Variants in GALK2 observed in about 807,000 individuals in gnomAD.
The protein encoded by GALK2 is galactokinase 2.
A neutral mutation model predicts 52.4 loss-of-function variants in GALK2; 36 were observed. That is an observed-to-expected ratio of 0.69 (90% CI 0.53 to 0.91). The LOEUF is 0.91. Among genes scored for constraint, GALK2 ranks in the 40% least tolerant of loss-of-function variants. GALK2 has a pLI of 0.00. For missense variants in GALK2, 579 were observed against 559.1 expected (o/e 1.04, Z -0.36); for synonymous variants, 176 against 199.1 (o/e 0.88, Z 0.98).
At chr15:49,282,199 G>A (rs2141761809) in intron 6 of GALK2, 114 bp downstream of exon 6, 2 of 651,136 alleles carry the variant, frequency 3.1e-6, no homozygotes, top group East Asian at 5.5e-5. Context: ...TACTATATTA[G>A]GCTCTATTGT....
intron 1 of GALK2, among the ~76,000 whole-genome samples, chr15:49,158,461 C>A (rs900956989): frequency 3.9e-5 from 6 of 152,036 alleles, no homozygotes; most frequent in Non-Finnish European, 8.8e-5. Flanking sequence ...TTTAAAACTC[C>A]TGTAAATCAG....
In GALK2 at chr15:49,330,561, G is replaced by C. The variant is rs1039306370; in HGVS notation, c.*2402G>C. ...TAGCTGCCTTGTTAGATGAGGCATG[G>C]CTATCCAGTGCGCTACAGTTTCCAC... On this transcript the variant is annotated 3_prime_UTR_variant, in exon 10 of 10. Transcript: ENST00000560031. 1 of 152,146 alleles carries C rather than the reference G, an allele frequency of 6.6e-6. No individual in the cohort carries two copies. The highest frequency in any genetic ancestry group is 1.5e-5 in the Non-Finnish European group (1 of 68,024). 9.4% of individuals were successfully genotyped at this position (152,146 alleles called of 1,614,324 possible).
At position 49,292,508 on chromosome 15, in the gene GALK2, C is replaced by T. The variant is rs750548811; in HGVS notation, c.938C>T (p.Thr313Ile). Residue 313 changes from threonine to isoleucine, a missense_variant, in exon 8 of 10, where the codon ACC (threonine) becomes ATC (isoleucine). Transcript: ENST00000560031. ...CLGISLEELR[T>I]QILSPNTQDV... Reference sequence around the variant, plus strand: ...GGAATTAGCCTGGAGGAACTCCGAACCCAAATCCTGAGTCCAAACACTCAA... The same window carrying T: ...GGAATTAGCCTGGAGGAACTCCGAATCCAAATCCTGAGTCCAAACACTCAA... 2 of 1,613,848 alleles carry T rather than the reference C, an allele frequency of 1.2e-6. No homozygotes were observed. The highest frequency in any genetic ancestry group is 1.3e-5 in the African/African-American group (1 of 74,902).
At chr15:49,302,966 A>G (rs1297739129) in intron 8 of GALK2, among the ~76,000 whole-genome samples, 1 of 152,226 alleles carries the variant, frequency 6.6e-6, no homozygotes, top group Non-Finnish European at 1.5e-5. Flanking sequence ...CTTTCACACA[A>G]AAGATATTAT....
At chr15:49,251,630 G>A (rs1277155698) in intron 5 of GALK2, among the ~76,000 whole-genome samples, 1 of 152,144 alleles carries the variant, frequency 6.6e-6, no homozygotes, top group African/African-American at 2.4e-5. Context: ...TTGTTTGACT[G>A]AAGCTTTATG....
At chr15:49,244,859 C>T (rs2091270683) in intron 5 of GALK2, among the ~76,000 whole-genome samples, 1 of 151,678 alleles carries the variant, frequency 6.6e-6, no homozygotes, top group Non-Finnish European at 1.5e-5. Flanking sequence ...AAAAAAAAAG[C>T]CAAAAAAACT....
intron 8 of GALK2, among the ~76,000 whole-genome samples, chr15:49,305,342 A>T (rs537120497): frequency 5.9e-5 from 9 of 152,334 alleles, no homozygotes; most frequent in Admixed American, 4.6e-4. Flanking sequence ...TCAGACGAAA[A>T]TATGACAGGC....
At chr15:49,320,278 A>G (rs1489449379) in intron 9 of GALK2, among the ~76,000 whole-genome samples, 3 of 152,202 alleles carry the variant, frequency 2.0e-5, no homozygotes, top group African/African-American at 7.2e-5. Flanking sequence ...AGATTTGCTG[A>G]AGGAATCACC....
At chr15:49,204,612 T>C (rs772599626) in intron 2 of GALK2, among the ~76,000 whole-genome samples, 2 of 152,190 alleles carry the variant, frequency 1.3e-5, no homozygotes, top group Non-Finnish European at 1.5e-5. Flanking sequence ...GATTGCTTGC[T>C]TGATTTCTTT....
At chr15:49,343,434 T>G (rs1283667197) in intron 3 of GALK2, among the ~76,000 whole-genome samples, 1 of 152,170 alleles carries the variant, frequency 6.6e-6, no homozygotes, top group East Asian at 1.9e-4. Context: ...TTTAGGAGTT[T>G]CTTTGTGTTG....
intron 5 of GALK2, among the ~76,000 whole-genome samples, chr15:49,275,261 A>T (rs963678114): frequency 6.6e-6 from 1 of 152,230 alleles, no homozygotes; most frequent in African/African-American, 2.4e-5. Context: ...TGTGCAGCAC[A>T]TGACTGTAGT....
intron 8 of GALK2, among the ~76,000 whole-genome samples, chr15:49,300,282 T>A (rs948747413): frequency 4.6e-5 from 7 of 152,038 alleles, no homozygotes; most frequent in Admixed American, 4.6e-4. Flanking sequence ...GTCTTCTGTT[T>A]GCTTGATAGA....
In GALK2 at chr15:49,328,193, G is replaced by A. The variant is rs2037867035; in HGVS notation, c.*34G>A. The A allele has an allele frequency of 6.3e-7, 1 of 1,583,726 alleles. No individual in the cohort carries two copies. Among genetic ancestry groups the A allele is most frequent in the East Asian group, 2.3e-5 (1 of 43,854 alleles). Reference sequence around the variant, plus strand: ...AAAAAGTCTGAGAGAAACTACTTAGGGCACTTAGGAATTGGCAGGACTTTC... The same window carrying A: ...AAAAAGTCTGAGAGAAACTACTTAGAGCACTTAGGAATTGGCAGGACTTTC... On this transcript the variant is annotated 3_prime_UTR_variant, in exon 10 of 10. Coordinates refer to ENST00000560031, the MANE Select transcript of GALK2 (RefSeq NM_002044.4).
At chr15:49,290,912 G>T (rs1403922884) in intron 7 of GALK2, among the ~76,000 whole-genome samples, 2 of 152,154 alleles carry the variant, frequency 1.3e-5, no homozygotes, top group East Asian at 3.8e-4. Context: ...CCTGGATTCA[G>T]TTTCCAACTC....
intron 3 of GALK2, among the ~76,000 whole-genome samples, chr15:49,361,580 T>C (rs138876865): frequency 6.6e-6 from 1 of 152,194 alleles, no homozygotes; most frequent in South Asian, 2.1e-4. Context: ...CATGATCTTG[T>C]TAGTTTTTAT....
chr15:49,335,459 C>T (rs142808430), downstream of GALK2: 1 of 1,613,478 alleles, frequency 6.2e-7, no homozygotes, highest in Middle Eastern at 1.7e-4. Flanking sequence ...TGTCTTTTTG[C>T]CTCCTTTATA....
intron 8 of GALK2, among the ~76,000 whole-genome samples, chr15:49,297,676 T>C (rs185525469): frequency 4.7e-4 from 71 of 152,346 alleles, no homozygotes; most frequent in African/African-American, 1.7e-3. Context: ...TACCATTTAT[T>C]GAATAGGGAG....
intron 5 of GALK2, among the ~76,000 whole-genome samples, chr15:49,262,250 G>T (rs1415393519): frequency 1.3e-5 from 2 of 152,178 alleles, no homozygotes; most frequent in Non-Finnish European, 2.9e-5. Context: ...TTCAGAGCCT[G>T]TTATTGGTCT....
intron 1 of GALK2, among the ~76,000 whole-genome samples, chr15:49,176,531 T>C (rs2085474595): frequency 6.6e-6 from 1 of 152,188 alleles, no homozygotes; most frequent in African/African-American, 2.4e-5. Flanking sequence ...TTTTTAAAAA[T>C]AAGGAATGGC....
Sources: gnomAD v4.1 joint callset for allele counts (sites outside exome capture counted in the v4.1 genomes callset) on GRCh38, gnomAD v4.1.1 for gene constraint, MANE v1.5 for transcripts, NCBI Gene and HGNC (gene_info 2026-07-23, HGNC 2026-07-21) for gene names.